ANK3: variants seen among roughly 807,000 people sequenced by gnomAD.
ANK3 encodes the protein ankyrin-3.
Under a neutral mutation model 370.9 loss-of-function variants are expected in ANK3, and 57 were observed. The observed-to-expected ratio is 0.15, with a 90% CI of 0.12 to 0.19. ANK3 has a LOEUF of 0.19. ANK3 is among the 10% of genes least tolerant of loss of function. The probability of loss-of-function intolerance (pLI) is 1.00; values close to 1 mark genes in which losing one functional copy is unlikely to be tolerated. For missense variants in ANK3, 4,439 were observed against 5,302.1 expected, an observed-to-expected ratio of 0.84 and a Z score of 5.06; for synonymous variants, 1,929 against 1,946.3, an observed-to-expected ratio of 0.99 and a Z score of 0.23.
intron 26 of ANK3, among the ~76,000 whole-genome samples, chr10:60,113,201 T>A (rs2092838544): frequency 6.6e-6 from 1 of 152,166 alleles, no homozygotes; most frequent in Non-Finnish European, 1.5e-5. Context: ...TGTTTTTTTT[T>A]TAAGTAAATA....
chr10:60,400,015 T>A (rs1269743343), intron 2 of ANK3, among the ~76,000 whole-genome samples: 2 of 37,120 alleles, frequency 5.4e-5, no homozygotes, highest in African/African-American at 1.3e-4. Flanking sequence ...ATACAGTGTG[T>A]GTGTGTGTGT....
chr10:60,069,640 C>T lies in ANK3; in HGVS notation c.11241G>A (p.Ala3747=), dbSNP rs561287900. ...GPGEITDKIE[A]VMTSCQGLEN... Reference sequence around the variant, plus strand: ...CTAATCCCTGACAACTGGTCATCACCGCTTCTATCTTATCTGTTATTTCTC... The same window carrying T: ...CTAATCCCTGACAACTGGTCATCACTGCTTCTATCTTATCTGTTATTTCTC... The change falls in exon 37 of 44, where the codon GCG becomes GCA. Residue 3747 remains alanine, a synonymous_variant. Transcript: ENST00000280772. 21 of 1,614,086 alleles carry T rather than the reference C, an allele frequency of 1.3e-5. No homozygotes were observed. In the Admixed American group the frequency reaches 1.5e-4, roughly 12 times the overall value.
rs2072663277 is a variant in ANK3 at position 60,028,865 on chromosome 10, T to TG, written c.*980_*981insC. On this transcript the variant is annotated 3_prime_UTR_variant, in exon 44 of 44. Transcript: ENST00000280772. ...GCAACTACCGTATAGGTTATTTTTT[T>TG]TTGTTGTTTTTAGGTCATTTCATTG... is the stretch of plus-strand genomic sequence containing the variant. 1 of 152,296 alleles carries TG rather than the reference T, an allele frequency of 6.6e-6. No individual in the cohort carries two copies. Among genetic ancestry groups the TG allele is most frequent in the Non-Finnish European group, 1.5e-5 (1 of 67,960 alleles). The allele number at this position is 152,296 out of a possible 1,614,324, so 9.4% of individuals were successfully genotyped here.
chr10:60,361,501 G>A (rs2058604932), intron 1 of ANK3, among the ~76,000 whole-genome samples: 1 of 152,148 alleles, frequency 6.6e-6, no homozygotes, highest in Non-Finnish European at 1.5e-5. Flanking sequence ...AGACTTTTCA[G>A]AAAATACCTT....
intron 2 of ANK3, among the ~76,000 whole-genome samples, chr10:60,610,935 C>T (rs6479720): frequency 0.7 from 106,824 of 152,058 alleles, 37,723 homozygotes; most frequent in South Asian, 0.88. Context: ...ATGCATCTTT[C>T]GGTCTGCCAA....
chr10:60,588,867 G>A (rs1267690973), intron 2 of ANK3, among the ~76,000 whole-genome samples: 5 of 152,220 alleles, frequency 3.3e-5, no homozygotes, highest in Admixed American at 6.5e-5. Context: ...CCATGTTCGC[G>A]CCACTGGACT....
chr10:60,517,246 T>G (rs1273393733), intron 2 of ANK3, among the ~76,000 whole-genome samples: 1 of 152,072 alleles, frequency 6.6e-6, no homozygotes, highest in Non-Finnish European at 1.5e-5. Context: ...GTATTTTTAG[T>G]AGAGTCGAGG....
At chr10:60,052,584 A>C (rs1427663704) in intron 42 of ANK3, among the ~76,000 whole-genome samples, 1 of 152,202 alleles carries the variant, frequency 6.6e-6, no homozygotes, top group Non-Finnish European at 1.5e-5. Flanking sequence ...TTAGGCAATA[A>C]AGGTGGGAAT....
intron 1 of ANK3, among the ~76,000 whole-genome samples, chr10:60,692,369 G>T (rs1378098142): frequency 6.6e-6 from 1 of 152,196 alleles, no homozygotes; most frequent in Non-Finnish European, 1.5e-5. Flanking sequence ...TCAAATGAGG[G>T]TCTTCAAACT....
intron 24 of ANK3, among the ~76,000 whole-genome samples, chr10:60,137,610 GT>G (rs2094414290): frequency 2.0e-5 from 3 of 151,848 alleles, no homozygotes; most frequent in Non-Finnish European, 4.4e-5. Flanking sequence ...AAAAAAATGA[GT>G]TACATATAAT....
At chr10:60,191,716 T>C (rs542477221) in intron 16 of ANK3, among the ~76,000 whole-genome samples, 1 of 152,242 alleles carries the variant, frequency 6.6e-6, no homozygotes, top group African/African-American at 2.4e-5. Context: ...CCAGCAATCC[T>C]ACCACTGGTT....
At position 60,074,229 on chromosome 10, in the gene ANK3, C is replaced by T; in HGVS notation, c.6652G>A (p.Ala2218Thr). ...TCACTACTGGCTTTCATTTGAAATG[C>T]TTTAACCTTTTCTTTAATACTAGAG... is the stretch of plus-strand genomic sequence containing the variant. ...TTSSIKEKVK[A>T]FQMKASSEED... Residue 2218 changes from alanine to threonine, a missense_variant, in exon 37 of 44, where the codon GCA (alanine) becomes ACA (threonine). Transcript: ENST00000280772. 3.7e-6 allele frequency: 6 copies of T among 1,614,088 alleles called. No individual in the cohort carries two copies. Among genetic ancestry groups the T allele is most frequent in the East Asian group, 2.2e-5 (1 of 44,878 alleles).
intron 1 of ANK3, among the ~76,000 whole-genome samples, chr10:60,296,148 A>G (rs1376176907): frequency 1.3e-5 from 2 of 152,206 alleles, no homozygotes; most frequent in African/African-American, 4.8e-5. Context: ...GTACCTATTC[A>G]TTGCTTTTCT....
intron 26 of ANK3, chr10:60,111,735 T>C: frequency 2.2e-6 from 1 of 455,852 alleles, no homozygotes; most frequent in Admixed American, 2.4e-5. Flanking sequence ...AGTTATCACC[T>C]TGAATCATAC....
At chr10:60,459,300 C>T (rs1360512486) in intron 2 of ANK3, among the ~76,000 whole-genome samples, 1 of 152,110 alleles carries the variant, frequency 6.6e-6, no homozygotes, top group Non-Finnish European at 1.5e-5. Context: ...TCATAAACAG[C>T]ACACCTACCT....
chr10:60,434,718 C>G (rs1567038287), intron 2 of ANK3, among the ~76,000 whole-genome samples: 1 of 152,164 alleles, frequency 6.6e-6, no homozygotes, highest in African/African-American at 2.4e-5. Context: ...ACGACTAGAT[C>G]TTTTTATTAT....
At chr10:60,469,033 A>G (rs1478560133) in intron 2 of ANK3, among the ~76,000 whole-genome samples, 44 of 3,942 alleles carry the variant, frequency 0.011, 2 homozygotes, top group African/African-American at 0.029. Flanking sequence ...CTTTTAGTGT[A>G]TATATATATA....
In ANK3 at chr10:60,436,099, A is replaced by AT. The variant is rs1239352809; in HGVS notation, c.97-156461_97-156460insA. Among the ~76,000 whole-genome samples, 64 of 148,890 alleles carry AT rather than the reference A, an allele frequency of 4.3e-4. 1 individual carries two copies. Among genetic ancestry groups the AT allele is most frequent in the African/African-American group, 1.4e-3 (58 of 41,032 alleles). The stretch of plus-strand genomic sequence containing the variant: ...ACGAGACTCCGTCTCAAAAAAAAAT[A>AT]AATAAATAAATAAAAAAAATAAAGT... On this transcript the variant is annotated intron_variant, in intron 2 of 43. Transcript: ENST00000373827.
chr10:60,717,878 A>G (rs991415056), intron 1 of ANK3, among the ~76,000 whole-genome samples: 4 of 152,258 alleles, frequency 2.6e-5, no homozygotes, highest in Middle Eastern at 3.2e-3. Flanking sequence ...GCAAAAACCA[A>G]TTTATAAGGC....
Sources: allele counts gnomAD v4.1 joint callset (sites outside exome capture counted in the v4.1 genomes callset), GRCh38; gene constraint gnomAD v4.1.1; transcripts MANE v1.5; gene names NCBI Gene and HGNC (gene_info 2026-07-23, HGNC 2026-07-21).